Variants in RPL6 observed in about 807,000 individuals in gnomAD.
RPL6 encodes ribosomal protein L6, also known as large ribosomal subunit protein eL6.
RPL6 carries 1 observed loss-of-function variant against 32.1 expected under a neutral mutation model. The observed-to-expected ratio is 0.03, with a 90% CI of 0.01 to 0.15. RPL6 has a LOEUF of 0.15. Ranked by LOEUF, RPL6 falls within the 10% of genes least tolerant of loss-of-function variation. The pLI is 1.00. For missense variants in RPL6, 275 were observed against 354.6 expected, an observed-to-expected ratio of 0.78 and a Z score of 1.80; for synonymous variants, 126 against 131.6, an observed-to-expected ratio of 0.96 and a Z score of 0.29.
chr12:112,415,435 G>A (rs1017644068), intron 1 of RPL6, among the ~76,000 whole-genome samples: 3 of 152,130 alleles, frequency 2.0e-5, no homozygotes, highest in Admixed American at 6.5e-5. Context: ...TTTTTGGGCC[G>A]GGCATGGTGG....
chr12:112,406,331 G>A lies in RPL6; in HGVS notation c.492C>T (p.Phe164=), dbSNP rs1415010299. The A allele has an allele frequency of 3.1e-6, 5 of 1,612,972 alleles. No individual in the cohort carries two copies. Among genetic ancestry groups the A allele is most frequent in the African/African-American group, 1.3e-5 (1 of 74,866 alleles). The change falls in exon 5 of 7, where the codon TTC becomes TTT. Residue 164 remains phenylalanine, a synonymous_variant. Transcript: ENST00000202773. ...ATAAGCCACTAGCCAGCTGCTTCAG[G>A]AAAACCACCCTCTGTAAGTTAAAAA... ...TGRHRGKRVV[F]LKQLASGLLL... is the part of the protein sequence containing the mutation.
rs2037170804 is a variant in RPL6 at position 112,406,404 on chromosome 12, A to C, written c.481-62T>G. The C allele has an allele frequency of 4.9e-6, 7 of 1,420,156 alleles. No individual in the cohort carries two copies. The East Asian group carries it at 1.6e-4, about 32-fold the overall frequency. The allele number at this position is 1,420,156 out of a possible 1,614,324, so 88.0% of individuals were successfully genotyped here. A position where few individuals can be genotyped will look rare whatever the true frequency, so the allele number is the denominator to read the frequency against. On this transcript the variant is annotated intron_variant, in intron 4 of 6. Coordinates refer to ENST00000202773, the MANE Select transcript of RPL6 (RefSeq NM_000970.6). ...TTAAAAACTGACTTCTGAATTCATAAAATCACAGGCATCTAAATTTGGGTA... is the reference window on the plus strand; with the variant it reads ...TTAAAAACTGACTTCTGAATTCATACAATCACAGGCATCTAAATTTGGGTA...
At chr12:112,405,511 T>C (rs2135792567) in intron 6 of RPL6, 135 bp from the exon 7 acceptor site, 2 of 947,760 alleles carry the variant, frequency 2.1e-6, no homozygotes, top group East Asian at 5.3e-5. Flanking sequence ...TTGACAATCC[T>C]TTCCTTGGAA....
upstream of RPL6, among the ~76,000 whole-genome samples, chr12:112,414,522 A>G (rs1263776790): frequency 6.6e-6 from 1 of 152,208 alleles, no homozygotes; most frequent in Non-Finnish European, 1.5e-5. Flanking sequence ...ATCCTATGGT[A>G]GGATTTTGAT....
At chr12:112,409,271 C>T in intron 1 of RPL6, 2 of 389,502 alleles carry the variant, frequency 5.1e-6, no homozygotes, top group Non-Finnish European at 9.0e-6. Context: ...GAACCCAGGA[C>T]CAGGAACACA....
At chr12:112,413,910 C>A (rs866664854), upstream of RPL6, among the ~76,000 whole-genome samples, 18 of 150,520 alleles carry the variant, frequency 1.2e-4, no homozygotes, top group African/African-American at 3.7e-4. Context: ...AAAAGGAGAT[C>A]ATAATCTAAA....
intron 1 of RPL6, among the ~76,000 whole-genome samples, chr12:112,415,441 G>T (rs1433622957): frequency 6.6e-6 from 1 of 152,122 alleles, no homozygotes; most frequent in Non-Finnish European, 1.5e-5. Context: ...GGCCGGGCAT[G>T]GTGGCTCACG....
intron 1 of RPL6, chr12:112,418,372 T>G (rs2037453636): frequency 6.4e-6 from 1 of 156,634 alleles, no homozygotes; most frequent in African/African-American, 2.4e-5. Context: ...TTCTCGGGCT[T>G]AAGTTATCTT....
chr12:112,405,641 C>G (rs1379936683), intron 6 of RPL6: 2 of 611,782 alleles, frequency 3.3e-6, no homozygotes, highest in African/African-American at 3.7e-5. Flanking sequence ...GCAGTTAATT[C>G]CCACACAATT....
chr12:112,405,870 A>G lies in RPL6; in HGVS notation c.697T>C (p.Phe233Leu). The G allele has an allele frequency of 6.2e-7, 1 of 1,612,366 alleles. No homozygotes were observed. The highest frequency in any genetic ancestry group is 1.7e-5 in the Admixed American group (1 of 59,570). The change falls in exon 6 of 7, where the codon TTC (phenylalanine) becomes CTC (leucine). Residue 233 changes from phenylalanine to leucine, a missense_variant. Phe to Leu is a conservative substitution (Grantham distance 22). Coordinates refer to ENST00000202773, the MANE Select transcript of RPL6 (RefSeq NM_000970.6). ...RKPRHQEGEIFDTEKEKYEIT... is the reference protein window; with the variant it reads ...RKPRHQEGEILDTEKEKYEIT... Reference sequence around the variant, plus strand: ...AAACTTACCTCTTTTTCTGTGTCGAAGATCTCACCTTCCTGGTGTCTGGGC... The same window carrying G: ...AAACTTACCTCTTTTTCTGTGTCGAGGATCTCACCTTCCTGGTGTCTGGGC...
chr12:112,416,775 G>A (rs1373638478), intron 1 of RPL6, among the ~76,000 whole-genome samples: 2 of 152,214 alleles, frequency 1.3e-5, no homozygotes, highest in African/African-American at 4.8e-5. Context: ...GGATTAGGAA[G>A]TTTAGGCCTG....
intron 6 of RPL6, 97 bp from the exon 7 acceptor site, chr12:112,405,473 G>A: frequency 1.7e-6 from 2 of 1,198,554 alleles, no homozygotes; most frequent in African/African-American, 3.1e-5. Flanking sequence ...TAATCCCCAA[G>A]AATATTTAGA....
upstream of RPL6, among the ~76,000 whole-genome samples, chr12:112,414,028 T>C (rs2037373103): frequency 6.6e-6 from 1 of 152,218 alleles, no homozygotes; most frequent in Non-Finnish European, 1.5e-5. Context: ...GGAGTCTCTC[T>C]TTTATTCTCA....
At chr12:112,409,069 G>A (rs2037276009) in intron 1 of RPL6, 1 of 235,024 alleles carries the variant, frequency 4.3e-6, no homozygotes, top group Non-Finnish European at 8.1e-6. Context: ...TAACCCTTAA[G>A]ACCAGTGTCT....
intron 1 of RPL6, chr12:112,408,857 A>G (rs1338504228): frequency 9.5e-6 from 5 of 524,328 alleles, no homozygotes; most frequent in Admixed American, 3.7e-5. Flanking sequence ...TCCCCAATAC[A>G]CTATAAACTT....
chr12:112,408,627 A>T lies in RPL6; in HGVS notation c.30T>A (p.Asp10Glu). ...TGGCTTCGGGTTTCTTCTCTTTAGTATCTGGCTTCTCAACTTTTTCACCCG... is the reference window on the plus strand; with the variant it reads ...TGGCTTCGGGTTTCTTCTCTTTAGTTTCTGGCTTCTCAACTTTTTCACCCG... MAGEKVEKP[D>E]TKEKKPEAKK... is the part of the protein sequence containing the mutation. Residue 10 changes from aspartate (D) to glutamate (E), a missense_variant, in exon 2 of 7, where the codon GAT becomes GAA. Coordinates refer to ENST00000202773, the MANE Select transcript of RPL6 (RefSeq NM_000970.6). 6.4e-7 allele frequency: 1 copy of T among 1,566,202 alleles called. No homozygotes were observed. The highest frequency in any genetic ancestry group is 8.6e-7 in the Non-Finnish European group (1 of 1,168,632).
Position 112,405,308 on chromosome 12 carries a change from G to C in RPL6, c.783C>G (p.Ile261Met). ...AGCCCTGGAGCTGAGGAATAGCTTT[G>C]ATTTTTGGTAAAATTTGTGAGTCCA... is the stretch of plus-strand genomic sequence containing the variant. ...KAVDSQILPK[I>M]KAIPQLQGYL... The change falls in exon 7 of 7, where the codon ATC becomes ATG. Residue 261 changes from isoleucine (I) to methionine (M), a missense_variant. Ile to Met is a conservative substitution (Grantham distance 10). Transcript: ENST00000202773. The C allele has an allele frequency of 6.2e-7, 1 of 1,611,056 alleles. No homozygotes were observed. The highest frequency in any genetic ancestry group is 8.5e-7 in the Non-Finnish European group (1 of 1,179,120).
upstream of RPL6, among the ~76,000 whole-genome samples, chr12:112,412,403 G>C (rs2037351938): frequency 6.6e-6 from 1 of 151,454 alleles, no homozygotes; most frequent in South Asian, 2.1e-4. Context: ...TTGAACTCCT[G>C]ACCTCAGGTG....
At chr12:112,413,911 A>C (rs2037370507), upstream of RPL6, among the ~76,000 whole-genome samples, 1 of 152,146 alleles carries the variant, frequency 6.6e-6, no homozygotes, top group Admixed American at 6.6e-5. Flanking sequence ...AAAGGAGATC[A>C]TAATCTAAAG....
Sources: allele counts gnomAD v4.1 joint callset (sites outside exome capture counted in the v4.1 genomes callset), GRCh38; gene constraint gnomAD v4.1.1; transcripts MANE v1.5; gene names NCBI Gene and HGNC (gene_info 2026-07-23, HGNC 2026-07-21).